Variants in SYTL2 observed in about 807,000 individuals in gnomAD.
SYTL2 encodes the protein synaptotagmin like 2.
Under a neutral mutation model 198.7 loss-of-function variants are expected in SYTL2, and 165 were observed. That is an observed-to-expected ratio of 0.83 (90% CI 0.73 to 0.94). SYTL2 has a LOEUF of 0.94. Ranked by LOEUF, SYTL2 falls within the 40% of genes least tolerant of loss-of-function variation. The probability of loss-of-function intolerance (pLI) is 0.00; values close to 1 mark genes in which losing one functional copy is unlikely to be tolerated. For missense variants in SYTL2, 2,835 were observed against 2,582.8 expected (o/e 1.10, Z -2.12); for synonymous variants, 966 against 917.7 (o/e 1.05, Z -0.95).
intron 16 of SYTL2, 96 bp from the exon 17 acceptor site, chr11:85,700,689 G>A: frequency 3.3e-6 from 3 of 897,904 alleles, no homozygotes; most frequent in Non-Finnish European, 5.5e-6. Flanking sequence ...TCCCATTTCT[G>A]GGACCATGTG....
At position 85,694,565 on chromosome 11, in the gene SYTL2, C is replaced by T. The variant is rs2083174214; in HGVS notation, c.*630G>A. 6.6e-6 allele frequency: 1 copy of T among 152,178 alleles called. No individual in the cohort carries two copies. Among genetic ancestry groups the T allele is most frequent in the Non-Finnish European group, 1.5e-5 (1 of 68,030 alleles). The allele number at this position is 152,178 out of a possible 1,614,324, so 9.4% of individuals were successfully genotyped here. On this transcript the variant is annotated 3_prime_UTR_variant, in exon 20 of 20. Coordinates refer to ENST00000359152, the MANE Select transcript of SYTL2 (RefSeq NM_206927.4). Reference sequence around the variant, plus strand: ...GCCAACAACTGAATTGTACCTATGGCCAGTGGGTGGCACTAAAATACATTT... The same window carrying T: ...GCCAACAACTGAATTGTACCTATGGTCAGTGGGTGGCACTAAAATACATTT...
intron 6 of SYTL2, among the ~76,000 whole-genome samples, chr11:85,736,003 T>C (rs1183289356): frequency 6.6e-6 from 1 of 152,192 alleles, no homozygotes; most frequent in Non-Finnish European, 1.5e-5. Context: ...CTTAACAGTA[T>C]ATAAAAATGA....
In SYTL2 at chr11:85,726,761, G is replaced by A. The variant is rs1370941694; in HGVS notation, c.2597C>T (p.Ser866Phe). The change falls in exon 8 of 20, where the codon TCC becomes TTC. Residue 866 changes from serine to phenylalanine, a missense_variant. By Grantham distance (155) the Ser-to-Phe change is radical. Around this residue, in one of 3 missense-constraint regions of SYTL2, gnomAD observed 2,645 missense variants for 2,381.7 expected, o/e 1.11. Transcript: ENST00000359152. Reference protein sequence around the residue: ...RVVLDEDDQASQLSNSYSSNK... With the variant: ...RVVLDEDDQAFQLSNSYSSNK... ...TGAGGAATAAGAATTGGAGAGCTGG[G>A]ATGCTTGATCATCCTCATCTAAGAC... 6.5e-7 allele frequency: 1 copy of A among 1,536,158 alleles called. No homozygotes were observed. The highest frequency in any genetic ancestry group is 1.4e-5 in the African/African-American group (1 of 73,142).
At chr11:85,723,899 G>A in intron 8 of SYTL2, 133 bp downstream of exon 8, 1 of 449,878 alleles carries the variant, frequency 2.2e-6, no homozygotes, top group Non-Finnish European at 4.0e-6. Flanking sequence ...AAAGTCTCAG[G>A]AACACAGAAG....
rs111640227 is a variant in SYTL2, at chr11:85,716,880, A to G, written c.5530+603T>C. ...CTTTGCTTGATGATAGACATTAATTAGTAGATGGGCATTAGTCACCACAGG... is the reference window on the plus strand; with the variant it reads ...CTTTGCTTGATGATAGACATTAATTGGTAGATGGGCATTAGTCACCACAGG... On this transcript the variant is annotated intron_variant, in intron 11 of 19. Coordinates refer to ENST00000359152, the MANE Select transcript of SYTL2 (RefSeq NM_206927.4). Among the ~76,000 whole-genome samples the G allele has an allele frequency of 3.0e-3, 455 of 152,310 alleles. 3 individuals are homozygous for G. Among genetic ancestry groups the G allele is most frequent in the African/African-American group, 0.01 (436 of 41,578 alleles).
chr11:85,837,829 T>C, the SYTL2 span, among the ~76,000 whole-genome samples: 3 of 152,164 alleles, frequency 2.0e-5, no homozygotes, highest in African/African-American at 7.2e-5. Flanking sequence ...AATCCCACAA[T>C]GATATTAACC....
chr11:85,844,073 C>G, the SYTL2 span, among the ~76,000 whole-genome samples: 2 of 152,340 alleles, frequency 1.3e-5, no homozygotes, highest in East Asian at 1.9e-4. Context: ...GAATATTCTT[C>G]TCTGCAATAC....
rs373523982 is a variant in SYTL2 at position 85,697,693 on chromosome 11, CT to C, written c.6368+285del. On this transcript the variant is annotated intron_variant, in intron 18 of 19. Transcript: ENST00000359152. ...CTTACCATTAGAAATTTAATAAACT[CT>C]TTTGAACTGATTATTGCCCTCACCA... Among the ~76,000 whole-genome samples the C allele has an allele frequency of 3.6e-3, 554 of 152,292 alleles. 3 individuals are homozygous for C. The highest frequency in any genetic ancestry group is 0.013 in the African/African-American group (522 of 41,560).
At chr11:85,747,047 T>C (rs1415949369) in intron 3 of SYTL2, among the ~76,000 whole-genome samples, 4 of 152,198 alleles carry the variant, frequency 2.6e-5, no homozygotes, top group Non-Finnish European at 5.9e-5. Flanking sequence ...ATTTTCCTTA[T>C]TGAGTACAGG....
At position 85,713,988 on chromosome 11, in the gene SYTL2, G is replaced by A. The variant is rs552508932; in HGVS notation, c.5625+425C>T. On this transcript the variant is annotated intron_variant, in intron 12 of 19. Transcript: ENST00000359152. ...TTAAATGATATATGTAAAGTGCCTG[G>A]CACCCAGTAAATACTCCTTAAAGCT... Among the ~76,000 whole-genome samples the A allele has an allele frequency of 3.3e-5, 5 of 152,286 alleles. No homozygotes were observed. The South Asian group carries it at 1.0e-3, about 32-fold the overall frequency.
chr11:85,733,896 G>T (rs775554902), intron 7 of SYTL2, 43 bp downstream of exon 7: 4 of 1,567,946 alleles, frequency 2.6e-6, no homozygotes, highest in Non-Finnish European at 3.5e-6. Context: ...ACCGCGCCCG[G>T]CCCCACCAAG....
intron 6 of SYTL2, among the ~76,000 whole-genome samples, chr11:85,735,141 G>T (rs527497004): frequency 4.8e-4 from 73 of 152,172 alleles, no homozygotes; most frequent in Non-Finnish European, 7.2e-4. Context: ...ATGCCTGTGT[G>T]GGGAGAGGGT....
chr11:85,795,877 A>G (rs943231172), intron 1 of SYTL2, among the ~76,000 whole-genome samples: 1 of 151,878 alleles, frequency 6.6e-6, no homozygotes, highest in Non-Finnish European at 1.5e-5. Flanking sequence ...GAAGGCTGCC[A>G]CTCTGGAAAT....
intron 1 of SYTL2, among the ~76,000 whole-genome samples, chr11:85,797,823 C>T (rs2092825878): frequency 6.6e-6 from 1 of 151,958 alleles, no homozygotes; most frequent in South Asian, 2.1e-4. Flanking sequence ...CCACTGATCT[C>T]AAGACCACAA....
chr11:85,853,886 G>T, the SYTL2 span: 1 of 152,048 alleles, frequency 6.6e-6, no homozygotes, highest in Non-Finnish European at 1.5e-5. Context: ...ACAGAGGCTC[G>T]CTCTGTCACC....
intron 5 of SYTL2, among the ~76,000 whole-genome samples, chr11:85,737,183 G>GTT (rs1284995027): frequency 1.3e-5 from 2 of 152,136 alleles, no homozygotes; most frequent in African/African-American, 4.8e-5. Context: ...ACTGTCTATA[G>GTT]TTTAATAAAT....
rs746198246 is a variant in SYTL2 at position 85,727,876 on chromosome 11, C to T, written c.1482G>A (p.Pro494=). Residue 494 remains proline (P), a synonymous_variant, in exon 8 of 20, where the codon CCG becomes CCA. Transcript: ENST00000359152. ...DRQQGKPPPL[P]ALKAKTSSRS... is the part of the protein sequence containing the mutation. ...GTGAAGATGTCTTAGCTTTTAGAGC[C>T]GGGAGAGGAGGGGGCTTACCTTGCT... 149 of 1,613,056 alleles carry T rather than the reference C, an allele frequency of 9.2e-5. No individual in the cohort carries two copies. Among genetic ancestry groups the T allele is most frequent in the Non-Finnish European group, 1.2e-4 (139 of 1,179,696 alleles).
At chr11:85,820,852 A>T in the SYTL2 span, among the ~76,000 whole-genome samples, 3 of 152,238 alleles carry the variant, frequency 2.0e-5, no homozygotes, top group Admixed American at 6.5e-5. Flanking sequence ...AATGCATGTT[A>T]TATCTCAATT....
chr11:85,734,136 G>A lies in SYTL2; in HGVS notation c.1193C>T (p.Ser398Leu). ...TTCACTTTTTGATACATATGGGCTT[G>A]AGGTTGATTGATGAAAAAGCGAAGG... is the stretch of plus-strand genomic sequence containing the variant. Reference protein sequence around the residue: ...RKPSLFHQSTSSPYVSKSETH... With the variant: ...RKPSLFHQSTLSPYVSKSETH... Residue 398 changes from serine (S) to leucine (L), a missense_variant, in exon 7 of 20, where the codon TCA becomes TTA. Physicochemically the swap from Ser to Leu is moderately radical, Grantham distance 145. Transcript: ENST00000359152. 6.2e-7 allele frequency: 1 copy of A among 1,614,206 alleles called. No individual in the cohort carries two copies. Among genetic ancestry groups the A allele is most frequent in the South Asian group, 1.1e-5 (1 of 91,088 alleles).
Sources: allele counts gnomAD v4.1 joint callset (sites outside exome capture counted in the v4.1 genomes callset), GRCh38; gene constraint gnomAD v4.1.1; regional missense constraint gnomAD v4.1.1; transcripts MANE v1.5; gene names NCBI Gene and HGNC (gene_info 2026-07-23, HGNC 2026-07-21).